LRRC8D: variants seen among roughly 807,000 people sequenced by gnomAD.
LRRC8D encodes leucine rich repeat containing 8 VRAC subunit D.
LRRC8D carries 20 observed loss-of-function variants against 55.8 expected under a neutral mutation model. That is an observed-to-expected ratio of 0.36 (90% CI 0.25 to 0.52). The LOEUF is 0.52. LRRC8D is among the 20% of genes least tolerant of loss of function. The probability of loss-of-function intolerance (pLI) is 0.93; values close to 1 mark genes in which losing one functional copy is unlikely to be tolerated. For missense variants in LRRC8D, 651 were observed against 1,030.8 expected, an observed-to-expected ratio of 0.63 and a Z score of 5.05; for synonymous variants, 352 against 377.0, an observed-to-expected ratio of 0.93 and a Z score of 0.77.
At chr1:89,899,356 C>G (rs1662791553) in intron 2 of LRRC8D, among the ~76,000 whole-genome samples, 1 of 152,214 alleles carries the variant, frequency 6.6e-6, no homozygotes, top group African/African-American at 2.4e-5. Context: ...GTCAAATCAG[C>G]CACATCCAAG....
chr1:89,845,962 G>A (rs1396247824), intron 2 of LRRC8D, among the ~76,000 whole-genome samples: 1 of 151,900 alleles, frequency 6.6e-6, no homozygotes, highest in Non-Finnish European at 1.5e-5. Context: ...TGTATTTTTA[G>A]TATTGATGGG....
At chr1:89,862,078 A>G (rs1484553185) in intron 2 of LRRC8D, among the ~76,000 whole-genome samples, 2 of 152,224 alleles carry the variant, frequency 1.3e-5, no homozygotes, top group African/African-American at 4.8e-5. Flanking sequence ...TCATTCGTAC[A>G]CACTTCATGA....
At position 89,936,210 on chromosome 1, in the gene LRRC8D, C is replaced by T. The variant is rs889129319; in HGVS notation, c.*565C>T. ...ACTGCTGCTCCTGAGCACCTCGTGT[C>T]ATAGATTTTATACTCTTACAGACTT... On this transcript the variant is annotated 3_prime_UTR_variant, in exon 3 of 3. Transcript: ENST00000337338. 1 of 167,220 alleles carries T rather than the reference C, an allele frequency of 6.0e-6. No homozygotes were observed. The highest frequency in any genetic ancestry group is 1.5e-5 in the Non-Finnish European group (1 of 68,282). 10.4% of individuals were successfully genotyped at this position (167,220 alleles called of 1,614,324 possible).
At chr1:89,921,421 A>C (rs1266478219) in intron 2 of LRRC8D, among the ~76,000 whole-genome samples, 1 of 152,256 alleles carries the variant, frequency 6.6e-6, no homozygotes, top group South Asian at 2.1e-4. Context: ...TTCTTTATAC[A>C]TTAAATTCTT....
At chr1:89,917,931 G>C (rs1663315344) in intron 2 of LRRC8D, among the ~76,000 whole-genome samples, 1 of 152,028 alleles carries the variant, frequency 6.6e-6, no homozygotes, top group South Asian at 2.1e-4. Context: ...ACACAACTCG[G>C]TGAATATTTC....
At chr1:89,826,250 T>G (rs1437861114) in intron 1 of LRRC8D, among the ~76,000 whole-genome samples, 1 of 322 alleles carries the variant, frequency 3.1e-3, no homozygotes, top group East Asian at 0.25. Context: ...CCTTAAATTT[T>G]ATTTTATTTT....
chr1:89,918,628 A>T (rs960331937), intron 2 of LRRC8D, among the ~76,000 whole-genome samples: 11 of 152,190 alleles, frequency 7.2e-5, no homozygotes, highest in Admixed American at 5.9e-4. Flanking sequence ...CCCTCTGCTT[A>T]GTTCTTGGTA....
intron 2 of LRRC8D, among the ~76,000 whole-genome samples, chr1:89,926,763 T>C (rs1663574405): frequency 6.6e-6 from 1 of 152,182 alleles, no homozygotes; most frequent in South Asian, 2.1e-4. Flanking sequence ...TATAGGAAAG[T>C]AGCTTGCAAA....
At chr1:89,932,358 T>C (rs1396754520) in intron 2 of LRRC8D, among the ~76,000 whole-genome samples, 1 of 152,168 alleles carries the variant, frequency 6.6e-6, no homozygotes, top group Non-Finnish European at 1.5e-5. Context: ...GTTTCAGCTA[T>C]ATATATTGAT....
chr1:89,889,265 C>G (rs1662502296), intron 2 of LRRC8D, among the ~76,000 whole-genome samples: 1 of 152,086 alleles, frequency 6.6e-6, no homozygotes, highest in African/African-American at 2.4e-5. Context: ...AATACCTGAC[C>G]AGTACTCCTC....
intron 2 of LRRC8D, among the ~76,000 whole-genome samples, chr1:89,914,843 C>T (rs972427569): frequency 1.3e-5 from 2 of 152,034 alleles, no homozygotes; most frequent in African/African-American, 4.8e-5. Flanking sequence ...GGATTACAGG[C>T]GTGAGTCACT....
At chr1:89,872,643 T>A (rs1404191399) in intron 2 of LRRC8D, among the ~76,000 whole-genome samples, 1 of 152,202 alleles carries the variant, frequency 6.6e-6, no homozygotes, top group Non-Finnish European at 1.5e-5. Flanking sequence ...TGTCTGTATT[T>A]AGCTATTTAA....
intron 2 of LRRC8D, among the ~76,000 whole-genome samples, chr1:89,930,260 T>A (rs1027468418): frequency 6.6e-6 from 1 of 152,188 alleles, no homozygotes; most frequent in Non-Finnish European, 1.5e-5. Flanking sequence ...AGTGGTGTGA[T>A]CTTGGCTCAC....
At chr1:89,891,222 T>C (rs1357019346) in intron 2 of LRRC8D, among the ~76,000 whole-genome samples, 1 of 152,238 alleles carries the variant, frequency 6.6e-6, no homozygotes, top group African/African-American at 2.4e-5. Context: ...GGAAGCATAC[T>C]GGCCAGTTAC....
At chr1:89,873,240 T>TG (rs1308610268) in intron 2 of LRRC8D, among the ~76,000 whole-genome samples, 1 of 152,224 alleles carries the variant, frequency 6.6e-6, no homozygotes, top group Non-Finnish European at 1.5e-5. Flanking sequence ...AAGCTGTCGA[T>TG]GCAAAGTTGC....
chr1:89,832,737 G>A (rs1026734260), intron 1 of LRRC8D, among the ~76,000 whole-genome samples: 3 of 152,188 alleles, frequency 2.0e-5, no homozygotes, highest in Non-Finnish European at 4.4e-5. Context: ...TGTAAATAAT[G>A]TTTGTGCTCG....
At chr1:89,893,944 A>T (rs1662639892) in intron 2 of LRRC8D, among the ~76,000 whole-genome samples, 1 of 152,250 alleles carries the variant, frequency 6.6e-6, no homozygotes, top group African/African-American at 2.4e-5. Flanking sequence ...TCATTAGAGC[A>T]ATATATGCTG....
At chr1:89,858,171 G>T in intron 2 of LRRC8D, among the ~76,000 whole-genome samples, 1 of 152,346 alleles carries the variant, frequency 6.6e-6, no homozygotes, top group South Asian at 2.1e-4. Context: ...AGAGATTGCC[G>T]TGAGCAGAGA....
intron 2 of LRRC8D, among the ~76,000 whole-genome samples, chr1:89,857,382 C>CAAAAAAAA (rs759975883): frequency 3.2e-5 from 2 of 63,044 alleles, no homozygotes; most frequent in Non-Finnish European, 6.6e-5. Context: ...AACTCCATCT[C>CAAAAAAAA]AAAAAAAAAA....
Sources: allele counts gnomAD v4.1 joint callset (sites outside exome capture counted in the v4.1 genomes callset), GRCh38; gene constraint gnomAD v4.1.1; transcripts MANE v1.5; gene names NCBI Gene and HGNC (gene_info 2026-07-23, HGNC 2026-07-21).